TCP11L2: variants seen among roughly 807,000 people sequenced by gnomAD.
TCP11L2 encodes T-complex protein 11-like protein 2.
A neutral mutation model predicts 50.7 loss-of-function variants in TCP11L2; 39 were observed. The observed-to-expected ratio is 0.77, with a 90% confidence interval of 0.60 to 1.01. TCP11L2 has a LOEUF of 1.01. Among genes scored for constraint, TCP11L2 ranks in the 50% least tolerant of loss-of-function variants. The probability of loss-of-function intolerance (pLI) is 0.00; values close to 1 mark genes in which losing one functional copy is unlikely to be tolerated. For synonymous variants in TCP11L2, 192 were observed against 219.3 expected, an observed-to-expected ratio of 0.88 and a Z score of 1.10; for missense variants, 612 against 614.7, an observed-to-expected ratio of 1.00 and a Z score of 0.05.
At chr12:106,311,267 A>T in intron 2 of TCP11L2, 35 bp downstream of exon 2, 1 of 1,606,604 alleles carries the variant, frequency 6.2e-7, no homozygotes, top group Non-Finnish European at 8.5e-7. Context: ...TGTGGGTGGC[A>T]GGGGTACTTC....
intron 7 of TCP11L2, 97 bp from the exon 8 acceptor site, chr12:106,335,935 A>C (rs1461641377): frequency 6.7e-7 from 1 of 1,499,886 alleles, no homozygotes; most frequent in Admixed American, 2.2e-5. Flanking sequence ...TACAAAAATC[A>C]GATAAAAATG....
chr12:106,335,312 T>A (rs1004984937), intron 6 of TCP11L2, among the ~76,000 whole-genome samples: 1 of 152,228 alleles, frequency 6.6e-6, no homozygotes, highest in Admixed American at 6.5e-5. Context: ...TAGTTCTTTA[T>A]GGACCAGCAA....
rs1215875069 is a variant in TCP11L2, at chr12:106,321,054, T to C, written c.415-432T>C. Among the ~76,000 whole-genome samples the C allele has an allele frequency of 8.5e-5, 13 of 152,194 alleles. 1 individual carries two copies. The highest frequency in any genetic ancestry group is 1.5e-5 in the Non-Finnish European group (1 of 68,038). On this transcript the variant is annotated intron_variant, in intron 4 of 9. Coordinates refer to ENST00000299045, the MANE Select transcript of TCP11L2 (RefSeq NM_152772.3). The stretch of plus-strand genomic sequence containing the variant: ...GTGTTTGGGGTCTTTATTTAGAAGT[T>C]TGGTGATTTTTTTTGTGACCAGAAA...
At chr12:106,309,938 G>A (rs10778463) in intron 1 of TCP11L2, among the ~76,000 whole-genome samples, 1 of 152,032 alleles carries the variant, frequency 6.6e-6, no homozygotes, top group East Asian at 1.9e-4. Flanking sequence ...GCTGGTTTAG[G>A]TTTAAAAGGA....
At chr12:106,300,343 G>A (rs2034389688), upstream of TCP11L2, among the ~76,000 whole-genome samples, 1 of 152,004 alleles carries the variant, frequency 6.6e-6, no homozygotes, top group Non-Finnish European at 1.5e-5. Flanking sequence ...GTTTTGTTTT[G>A]TTTTGAGATG....
At chr12:106,334,197 G>A (rs767422787) in intron 6 of TCP11L2, among the ~76,000 whole-genome samples, 2 of 152,196 alleles carry the variant, frequency 1.3e-5, no homozygotes, top group South Asian at 2.1e-4. Flanking sequence ...AGAAAAGCCA[G>A]GGAAAGAGTT....
At position 106,340,835 on chromosome 12, in the gene TCP11L2, C is replaced by G. The variant is rs750946220; in HGVS notation, c.1152C>G (p.Asn384Lys). Reference sequence around the variant, plus strand: ...ATTTTATGTTTCATAGGACCTTTAACTTGAAGGAAGTCCTGAATTCTATTG... The same window carrying G: ...ATTTTATGTTTCATAGGACCTTTAAGTTGAAGGAAGTCCTGAATTCTATTG... ...LLEGMNKETF[N>K]LKEVLNSIGI... The change falls in exon 9 of 10, where the codon AAC becomes AAG. Residue 384 changes from asparagine (N) to lysine (K), a missense_variant. Coordinates refer to ENST00000299045, the MANE Select transcript of TCP11L2 (RefSeq NM_152772.3). 1 of 1,592,346 alleles carries G rather than the reference C, an allele frequency of 6.3e-7. No homozygotes were observed. The highest frequency in any genetic ancestry group is 1.4e-5 in the African/African-American group (1 of 73,710).
intron 6 of TCP11L2, among the ~76,000 whole-genome samples, chr12:106,333,312 T>G (rs1486597425): frequency 6.6e-6 from 1 of 152,224 alleles, no homozygotes; most frequent in Non-Finnish European, 1.5e-5. Flanking sequence ...TTTCAAAATT[T>G]AAAAGTTATT....
At chr12:106,329,581 G>A in intron 6 of TCP11L2, 1 of 1,388,140 alleles carries the variant, frequency 7.2e-7, no homozygotes, top group Non-Finnish European at 9.3e-7. Context: ...AAGTCTCCAG[G>A]AGCTGTGCCC....
At chr12:106,326,032 C>T (rs1388592122) in intron 6 of TCP11L2, 2 of 151,850 alleles carry the variant, frequency 1.3e-5, no homozygotes, top group Non-Finnish European at 2.9e-5. Context: ...TTCCCTTTAT[C>T]TTACAGGCAA....
intron 1 of TCP11L2, among the ~76,000 whole-genome samples, chr12:106,304,637 T>A (rs1007879723): frequency 6.6e-6 from 1 of 152,256 alleles, no homozygotes; most frequent in African/African-American, 2.4e-5. Flanking sequence ...TCCTTGCAGC[T>A]GACCTCGATC....
chr12:106,304,269 T>C (rs1349791815), intron 1 of TCP11L2: 1 of 152,144 alleles, frequency 6.6e-6, no homozygotes, highest in Non-Finnish European at 1.5e-5. Context: ...GTGGGAGGAG[T>C]GCTTTCAAAT....
At position 106,340,911 on chromosome 12, in the gene TCP11L2, C is replaced by T; in HGVS notation, c.1228C>T (p.Pro410Ser). The T allele has an allele frequency of 6.2e-7, 1 of 1,613,222 alleles. No homozygotes were observed. The highest frequency in any genetic ancestry group is 1.3e-5 in the African/African-American group (1 of 74,980). The stretch of plus-strand genomic sequence containing the variant: ...CAAGACCCTGATGGAAAGAGGTTTA[C>T]CCACTTTAAATGCTGAGATTCAAGC... Reference protein sequence around the residue: ...VNKTLMERGLPTLNAEIQANL... With the variant: ...VNKTLMERGLSTLNAEIQANL... Residue 410 changes from proline to serine, a missense_variant, in exon 9 of 10, where the codon CCC becomes TCC. Physicochemically the swap from Pro to Ser is moderately conservative, Grantham distance 74. Coordinates refer to ENST00000299045, the MANE Select transcript of TCP11L2 (RefSeq NM_152772.3).
intron 9 of TCP11L2, among the ~76,000 whole-genome samples, chr12:106,345,979 G>C (rs2036218216): frequency 6.6e-6 from 1 of 152,192 alleles, no homozygotes; most frequent in Non-Finnish European, 1.5e-5. Flanking sequence ...GTAGTAGGTA[G>C]ACGGTGGACA....
Position 106,318,366 on chromosome 12 carries a change from A to G in TCP11L2, c.316A>G (p.Ile106Val), listed in dbSNP as rs114291268. ...TAGTTTGGCTGGTCGAGTGAAGCACATTGTTCACCAGGCCTTCTGGGACGT... is the reference window on the plus strand; with the variant it reads ...TAGTTTGGCTGGTCGAGTGAAGCACGTTGTTCACCAGGCCTTCTGGGACGT... ...EKSLAGRVKH[I>V]VHQAFWDVLD... The change falls in exon 4 of 10, where the codon ATT (isoleucine) becomes GTT (valine). Residue 106 changes from isoleucine (I) to valine (V), a missense_variant. Coordinates refer to ENST00000299045, the MANE Select transcript of TCP11L2 (RefSeq NM_152772.3). 1.5e-5 allele frequency: 24 copies of G among 1,613,942 alleles called. 1 individual carries two copies. The East Asian group carries it at 3.8e-4, about 25-fold the overall frequency.
At chr12:106,309,023 A>C (rs2034745843) in intron 1 of TCP11L2, among the ~76,000 whole-genome samples, 1 of 152,252 alleles carries the variant, frequency 6.6e-6, no homozygotes, top group Non-Finnish European at 1.5e-5. Context: ...CGCGCTGCAG[A>C]CATACCAAGA....
intron 6 of TCP11L2, among the ~76,000 whole-genome samples, chr12:106,332,964 T>C (rs1170109928): frequency 6.6e-6 from 1 of 152,178 alleles, no homozygotes; most frequent in Non-Finnish European, 1.5e-5. Context: ...TGATCAGTGG[T>C]TACCAGAATT....
At chr12:106,304,369 C>T (rs997150241) in intron 1 of TCP11L2, 3 of 152,322 alleles carry the variant, frequency 2.0e-5, no homozygotes, top group Non-Finnish European at 4.4e-5. Flanking sequence ...GGCTTGTTGG[C>T]TTTTATCTAG....
At chr12:106,315,005 CAAA>C (rs11450523) in intron 3 of TCP11L2, among the ~76,000 whole-genome samples, 2 of 126,032 alleles carry the variant, frequency 1.6e-5, no homozygotes, top group African/African-American at 6.0e-5. Context: ...GACCCTGTCT[CAAA>C]AAAAAAAAAA....
Sources: allele counts gnomAD v4.1 joint callset (sites outside exome capture counted in the v4.1 genomes callset), GRCh38; gene constraint gnomAD v4.1.1; transcripts MANE v1.5; gene names NCBI Gene and HGNC (gene_info 2026-07-23, HGNC 2026-07-21).